Variants in TMEM217B observed in about 807,000 individuals in gnomAD.
TMEM217B encodes transmembrane protein 217B.
the TMEM217B span, among the ~76,000 whole-genome samples, chr6:37,237,503 ACTT>A: frequency 1.3e-5 from 2 of 152,226 alleles, no homozygotes; most frequent in African/African-American, 2.4e-5. Context: ...AAGATTCAGG[ACTT>A]CATGCAGACA....
the TMEM217B span, chr6:37,217,722 C>A: frequency 1.0e-5 from 10 of 985,092 alleles, no homozygotes; most frequent in African/African-American, 1.7e-4. Context: ...ACAAACCCAC[C>A]CCAGGGCCAA....
At chr6:37,252,587 GTA>G in the TMEM217B span, among the ~76,000 whole-genome samples, 152 of 29,912 alleles carry the variant, frequency 5.1e-3, 1 homozygote, top group African/African-American at 0.026. Flanking sequence ...ACGTGTACGT[GTA>G]TGTGTGTGTG....
the TMEM217B span, among the ~76,000 whole-genome samples, chr6:37,215,570 C>CAAAAAAAAAAAA: frequency 6.8e-3 from 490 of 72,388 alleles, 2 homozygotes; most frequent in Non-Finnish European, 8.7e-3. Context: ...GACTCTGTCT[C>CAAAAAAAAAAAA]AAAAAAAAAA....
the TMEM217B span, among the ~76,000 whole-genome samples, chr6:37,240,948 G>C: frequency 1.3e-5 from 2 of 152,072 alleles, no homozygotes; most frequent in East Asian, 3.9e-4. Context: ...GTATCTTATT[G>C]ATTATTCCTA....
chr6:37,247,221 T>C, the TMEM217B span, among the ~76,000 whole-genome samples: 1 of 152,186 alleles, frequency 6.6e-6, no homozygotes, highest in South Asian at 2.1e-4. Context: ...GGTCTTACCA[T>C]GTAGAGCTAC....
the TMEM217B span, among the ~76,000 whole-genome samples, chr6:37,239,556 A>C: frequency 6.6e-6 from 1 of 152,208 alleles, no homozygotes; most frequent in Non-Finnish European, 1.5e-5. Flanking sequence ...TAGTGTAATT[A>C]ATGATATTTG....
the TMEM217B span, among the ~76,000 whole-genome samples, chr6:37,236,851 A>C: frequency 6.6e-6 from 1 of 152,128 alleles, no homozygotes. Flanking sequence ...ACTTCTCCTC[A>C]AACTTTGTAG....
chr6:37,215,496 G>A, the TMEM217B span, among the ~76,000 whole-genome samples: 69 of 140,468 alleles, frequency 4.9e-4, no homozygotes, highest in African/African-American at 1.8e-3. Flanking sequence ...ATCAGGACCC[G>A]GGAGGTAGAG....
the TMEM217B span, chr6:37,217,827 G>A: frequency 1.0e-6 from 1 of 985,294 alleles, no homozygotes; most frequent in Non-Finnish European, 1.2e-6. Context: ...TAATGAAGAT[G>A]CCAAGAAAAA....
the TMEM217B span, among the ~76,000 whole-genome samples, chr6:37,254,483 A>T: frequency 6.6e-6 from 1 of 152,198 alleles, no homozygotes; most frequent in Non-Finnish European, 1.5e-5. Flanking sequence ...GAAGCTGCAA[A>T]AGAGTTTGAA....
At chr6:37,233,213 C>A in the TMEM217B span, among the ~76,000 whole-genome samples, 5 of 152,040 alleles carry the variant, frequency 3.3e-5, no homozygotes, top group South Asian at 4.2e-4. Flanking sequence ...ACTCTTCTAC[C>A]CATTTCCCCA....
chr6:37,237,703 G>GTT, the TMEM217B span, among the ~76,000 whole-genome samples: 1 of 151,986 alleles, frequency 6.6e-6, no homozygotes, highest in South Asian at 2.1e-4. Flanking sequence ...GAGTCAAAAG[G>GTT]AACAACTGTA....
the TMEM217B span, chr6:37,258,060 C>T: frequency 1.1e-5 from 16 of 1,469,564 alleles, no homozygotes; most frequent in East Asian, 3.9e-4. Flanking sequence ...TGGGGCGCCA[C>T]AGAGGCCAGA....
chr6:37,215,206 C>G, the TMEM217B span: 1 of 1,613,794 alleles, frequency 6.2e-7, no homozygotes. Flanking sequence ...ACTCAGCAGA[C>G]ATCTATTGTG....
chr6:37,225,041 C>A, the TMEM217B span, among the ~76,000 whole-genome samples: 1 of 150,354 alleles, frequency 6.7e-6, no homozygotes, highest in Admixed American at 6.6e-5. Flanking sequence ...ACCACCAAAA[C>A]CAAAAATTAC....
chr6:37,214,506 C>A, the TMEM217B span, among the ~76,000 whole-genome samples: 1 of 152,136 alleles, frequency 6.6e-6, no homozygotes, highest in Non-Finnish European at 1.5e-5. Flanking sequence ...GGATTACAGG[C>A]ATGAGCCACC....
chr6:37,224,906 T>C, the TMEM217B span, among the ~76,000 whole-genome samples: 1 of 151,410 alleles, frequency 6.6e-6, no homozygotes. Context: ...AGACCAGTCA[T>C]GGTGGCTCAT....
At chr6:37,214,384 T>C in the TMEM217B span, among the ~76,000 whole-genome samples, 1 of 152,128 alleles carries the variant, frequency 6.6e-6, no homozygotes, top group African/African-American at 2.4e-5. Flanking sequence ...TGCGCCAGCA[T>C]GCCCAGCTAA....
the TMEM217B span, chr6:37,257,697 C>T: frequency 3.1e-4 from 171 of 543,562 alleles, 2 homozygotes; most frequent in Middle Eastern, 2.9e-3. Flanking sequence ...TGCAGGATTC[C>T]GGCTCCCAAT....
Sources: allele counts gnomAD v4.1 joint callset (sites outside exome capture counted in the v4.1 genomes callset), GRCh38; gene constraint gnomAD v4.1.1; transcripts MANE v1.5; gene names NCBI Gene and HGNC (gene_info 2026-07-23, HGNC 2026-07-21).